The following GRID2 variants were observed in gnomAD, a reference collection of about 807,000 sequenced individuals.
The protein encoded by GRID2 is glutamate ionotropic receptor delta type subunit 2.
In GRID2, 33 loss-of-function variants were observed where a neutral mutation model predicts 114.8. The observed-to-expected ratio is 0.29, with a 90% CI of 0.22 to 0.38. The LOEUF (loss-of-function observed/expected upper bound fraction) is 0.38, where lower values mean the gene tolerates loss of function less well. Among genes scored for constraint, GRID2 ranks in the 10% least tolerant of loss-of-function variants. The pLI is 1.00. For synonymous variants in GRID2, 505 were observed against 449.9 expected (o/e 1.12, Z -1.55); for missense variants, 1,184 against 1,257.7 (o/e 0.94, Z 0.89).
rs115614167 is a variant in GRID2 at position 92,973,004 on chromosome 4, A to G, written c.245-111991A>G. ...TAACACAATTTTTTTAATCCAGTCT[A>G]TCGTTGATGGGAATTTGGGTTGATT... is the stretch of plus-strand genomic sequence containing the variant. On this transcript the variant is annotated intron_variant, in intron 2 of 15. Transcript: ENST00000282020. Among the ~76,000 whole-genome samples, 1,300 of 152,220 alleles carry G rather than the reference A, an allele frequency of 8.5e-3. 20 individuals are homozygous for G. The highest frequency in any genetic ancestry group is 0.03 in the African/African-American group (1,239 of 41,536).
intron 4 of GRID2, among the ~76,000 whole-genome samples, chr4:93,163,279 C>G (rs1016965497): frequency 9.6e-5 from 14 of 145,290 alleles, no homozygotes; most frequent in Non-Finnish European, 1.8e-4. Context: ...GCATATAAAC[C>G]AAAATATCAA....
chr4:93,305,679 G>T (rs1358342801), intron 8 of GRID2, among the ~76,000 whole-genome samples: 1 of 152,126 alleles, frequency 6.6e-6, no homozygotes, highest in African/African-American at 2.4e-5. Context: ...CAAATAAAAA[G>T]AATAATCTGA....
chr4:92,911,689 T>C (rs982253693), intron 2 of GRID2, among the ~76,000 whole-genome samples: 6 of 151,930 alleles, frequency 3.9e-5, no homozygotes, highest in African/African-American at 1.2e-4. Flanking sequence ...TTTTTAAATG[T>C]ACCACCTTAA....
At chr4:92,496,042 C>A (rs781326797) in intron 1 of GRID2, among the ~76,000 whole-genome samples, 1 of 151,784 alleles carries the variant, frequency 6.6e-6, no homozygotes, top group Non-Finnish European at 1.5e-5. Flanking sequence ...AACTACTATT[C>A]CTTTAGCAAA....
intron 2 of GRID2, among the ~76,000 whole-genome samples, chr4:92,774,413 G>C (rs1314315974): frequency 6.6e-6 from 1 of 151,934 alleles, no homozygotes; most frequent in East Asian, 1.9e-4. Flanking sequence ...TCTATGATTG[G>C]GCATGCATTA....
intron 1 of GRID2, among the ~76,000 whole-genome samples, chr4:93,794,621 C>A (rs1028991076): frequency 6.6e-6 from 1 of 152,206 alleles, no homozygotes; most frequent in Non-Finnish European, 1.5e-5. Context: ...AAATCTGATG[C>A]CTGCTAACTC....
rs1443604814 is a variant in GRID2 at position 93,085,728 on chromosome 4, C to T, written c.529+449C>T. ...TGAAATCTGAAAAATCTTGCTTACA[C>T]CCTTGTGTAGACTTTAATACCTACT... is the stretch of plus-strand genomic sequence containing the variant. On this transcript the variant is annotated intron_variant, in intron 3 of 15. Coordinates refer to ENST00000282020, the MANE Select transcript of GRID2 (RefSeq NM_001510.4). 3.3e-5 allele frequency among the ~76,000 whole-genome samples: 5 copies of T among 152,114 alleles called. No individual in the cohort carries two copies. In the South Asian group the frequency reaches 8.3e-4, roughly 25 times the overall value.
chr4:93,416,265 A>T (rs1403954303), intron 9 of GRID2, among the ~76,000 whole-genome samples: 1 of 152,076 alleles, frequency 6.6e-6, no homozygotes, highest in Non-Finnish European at 1.5e-5. Context: ...CTATAAAAAA[A>T]AGTGAGGTTT....
intron 1 of GRID2, among the ~76,000 whole-genome samples, chr4:92,380,939 A>AT (rs1729592996): frequency 6.6e-6 from 1 of 152,040 alleles, no homozygotes; most frequent in South Asian, 2.1e-4. Flanking sequence ...TGAGCCCTCA[A>AT]TAATTACTAA....
At chr4:92,466,184 T>A (rs930011725) in intron 1 of GRID2, among the ~76,000 whole-genome samples, 8 of 151,784 alleles carry the variant, frequency 5.3e-5, no homozygotes, top group African/African-American at 1.9e-4. Context: ...TCAGGATGCT[T>A]AGCATATCCA....
At chr4:93,103,022 T>A (rs1379138152) in intron 3 of GRID2, among the ~76,000 whole-genome samples, 1 of 152,078 alleles carries the variant, frequency 6.6e-6, no homozygotes, top group Non-Finnish European at 1.5e-5. Flanking sequence ...ATGAACTCTG[T>A]CCTGTGCCAC....
chr4:92,675,765 A>T (rs12641522), intron 2 of GRID2, among the ~76,000 whole-genome samples: 9,309 of 151,944 alleles, frequency 0.061, 347 homozygotes, highest in East Asian at 0.17. Flanking sequence ...CATGTTAGCT[A>T]GGATGGTTTC....
chr4:93,082,157 T>G (rs1729925642), intron 2 of GRID2, among the ~76,000 whole-genome samples: 1 of 152,240 alleles, frequency 6.6e-6, no homozygotes, highest in Non-Finnish European at 1.5e-5. Flanking sequence ...CGGCTTTGTT[T>G]TGAGTCATCC....
intron 4 of GRID2, among the ~76,000 whole-genome samples, chr4:93,184,187 G>A (rs1208891727): frequency 1.3e-5 from 2 of 152,080 alleles, no homozygotes; most frequent in Non-Finnish European, 2.9e-5. Context: ...AACAAGAAAG[G>A]CAGGTTCCAG....
intron 1 of GRID2, among the ~76,000 whole-genome samples, chr4:92,361,375 A>G (rs185172855): frequency 1.1e-3 from 172 of 152,170 alleles, no homozygotes; most frequent in African/African-American, 4.0e-3. Flanking sequence ...AGTATATGGA[A>G]ATATTCAATG....
At chr4:93,311,847 A>C (rs1351591073) in intron 8 of GRID2, among the ~76,000 whole-genome samples, 2 of 152,196 alleles carry the variant, frequency 1.3e-5, no homozygotes, top group Non-Finnish European at 1.5e-5. Context: ...GGTCATTATT[A>C]ATCTTAGCGT....
At chr4:93,608,959 C>T (rs1476662447) in intron 13 of GRID2, among the ~76,000 whole-genome samples, 2 of 123,492 alleles carry the variant, frequency 1.6e-5, no homozygotes, top group East Asian at 4.1e-4. Flanking sequence ...TTCTCCACAT[C>T]CTCTCCAGCA....
chr4:93,157,794 T>C (rs1211332995), intron 4 of GRID2, among the ~76,000 whole-genome samples: 1 of 151,650 alleles, frequency 6.6e-6, no homozygotes, highest in African/African-American at 2.4e-5. Context: ...GAATTCTGCT[T>C]ATGTGGCATC....
intron 4 of GRID2, among the ~76,000 whole-genome samples, chr4:93,116,691 C>A (rs1733293888): frequency 6.6e-6 from 1 of 151,762 alleles, no homozygotes; most frequent in Non-Finnish European, 1.5e-5. Context: ...TGTGTCTTAA[C>A]AATTTCTTAG....
Sources: gnomAD v4.1 joint callset for allele counts (sites outside exome capture counted in the v4.1 genomes callset) on GRCh38, gnomAD v4.1.1 for gene constraint, MANE v1.5 for transcripts, NCBI Gene and HGNC (gene_info 2026-07-23, HGNC 2026-07-21) for gene names.